Variants in NF1 observed in about 807,000 individuals in gnomAD.
NF1 encodes neurofibromin.
NF1 carries 122 observed loss-of-function variants against 325.7 expected under a neutral mutation model. The ratio of observed to expected loss-of-function variants is 0.37; its 90% CI spans 0.32 to 0.44. The LOEUF (loss-of-function observed/expected upper bound fraction) is 0.44. NF1 is among the 20% of genes least tolerant of loss of function. The probability of loss-of-function intolerance (pLI) is 1.00; values close to 1 mark genes in which losing one functional copy is unlikely to be tolerated. For synonymous variants in NF1, 1,091 were observed against 1,186.0 expected, an observed-to-expected ratio of 0.92 and a Z score of 1.65; for missense variants, 2,140 against 3,415.4, an observed-to-expected ratio of 0.63 and a Z score of 9.31.
At position 31,358,988 on chromosome 17, in the gene NF1, G is replaced by A. The variant is rs78610439; in HGVS notation, c.8133G>A (p.Leu2711=). The A allele has an allele frequency of 3.1e-6, 5 of 1,599,134 alleles. No homozygotes were observed. Among genetic ancestry groups the A allele is most frequent in the South Asian group, 2.2e-5 (2 of 89,792 alleles). The change falls in exon 56 of 58, where the codon TTG becomes TTA. Residue 2711 remains leucine, a synonymous_variant. Coordinates refer to ENST00000358273, the MANE Select transcript of NF1 (RefSeq NM_001042492.3). ...TTGCAGGTTTTGGTTTTAATGGCTT[G>A]TGGCGGTTTGCAGGACCGTTTTCAA... is the stretch of plus-strand genomic sequence containing the variant. ...SYLQSFGFNG[L]WRFAGPFSKQ...
chr17:31,100,022 A>G, intron 1 of NF1, among the ~76,000 whole-genome samples: 1 of 151,832 alleles, frequency 6.6e-6, no homozygotes, highest in Non-Finnish European at 1.5e-5. Flanking sequence ...AAAAAAAAAA[A>G]AAGAATTAAA....
In NF1 at chr17:31,175,210, A is replaced by G. The variant is rs143874901; in HGVS notation, c.586+5213A>G. ...TGATACAGCTTATATGATCTCAGTTATGTTAAATATATTTGTTTTCTACAT... is the reference window on the plus strand; with the variant it reads ...TGATACAGCTTATATGATCTCAGTTGTGTTAAATATATTTGTTTTCTACAT... On this transcript the variant is annotated intron_variant, in intron 5 of 57. Transcript: ENST00000358273. Among the ~76,000 whole-genome samples the G allele has an allele frequency of 2.7e-5, 4 of 150,462 alleles. No individual in the cohort carries two copies. The East Asian group carries it at 7.9e-4, about 30-fold the overall frequency.
intron 36 of NF1, among the ~76,000 whole-genome samples, chr17:31,287,577 T>TGTGTGTGA (rs530472361): frequency 3.3e-5 from 5 of 149,578 alleles, no homozygotes; most frequent in African/African-American, 1.2e-4. Context: ...TGTGTGTGTG[T>TGTGTGTGA]GACACAGGGT....
chr17:31,222,509 G>A (rs1415972972), intron 15 of NF1: 2 of 1,027,280 alleles, frequency 1.9e-6, no homozygotes, highest in Admixed American at 1.1e-4. Context: ...TTATAAGAAT[G>A]GGTGTGCTAA....
At chr17:31,223,894 T>TCATA in intron 16 of NF1, among the ~76,000 whole-genome samples, 1 of 152,198 alleles carries the variant, frequency 6.6e-6, no homozygotes, top group Non-Finnish European at 1.5e-5. Context: ...ACTCTTAAGT[T>TCATA]CATACATAAG....
intron 25 of NF1, 81 bp downstream of exon 25, chr17:31,232,270 C>G (rs1833511592): frequency 2.4e-6 from 2 of 844,302 alleles, no homozygotes; most frequent in African/African-American, 3.4e-5. Flanking sequence ...GAAATAATAC[C>G]CATGACAGGA....
At chr17:31,154,001 A>C (rs9907669) in intron 1 of NF1, among the ~76,000 whole-genome samples, 2,179 of 149,522 alleles carry the variant, frequency 0.015, 52 homozygotes, top group African/African-American at 0.049. Context: ...CTTCATTTTC[A>C]TGTAGATATT....
chr17:31,247,086 C>A (rs1463038760), intron 29 of NF1, among the ~76,000 whole-genome samples: 3 of 151,108 alleles, frequency 2.0e-5, no homozygotes, highest in Non-Finnish European at 4.4e-5. Context: ...GTCCCATCTA[C>A]TTGGGAGGCT....
At chr17:31,193,022 CA>C (rs1448721738) in intron 8 of NF1, among the ~76,000 whole-genome samples, 2 of 152,108 alleles carry the variant, frequency 1.3e-5, no homozygotes, top group Non-Finnish European at 2.9e-5. Flanking sequence ...TTCCCAGGGA[CA>C]GCCACTGCAA....
chr17:31,329,110 A>G (rs536657940), intron 38 of NF1, among the ~76,000 whole-genome samples: 3 of 152,198 alleles, frequency 2.0e-5, no homozygotes, highest in South Asian at 4.1e-4. Context: ...GCAGTGTGCT[A>G]TAATCATGTC....
intron 29 of NF1, among the ~76,000 whole-genome samples, chr17:31,241,050 G>T (rs530611663): frequency 1.3e-5 from 2 of 151,988 alleles, no homozygotes; most frequent in Non-Finnish European, 2.9e-5. Context: ...GCTGATTTTT[G>T]TATTTTTAGT....
In NF1 at chr17:31,349,240, C is replaced by T. The variant is rs2070078591; in HGVS notation, c.7310C>T (p.Ala2437Val). The change falls in exon 49 of 58, where the codon GCC becomes GTC. Residue 2437 changes from alanine to valine, a missense_variant. Transcript: ENST00000358273. ...DKFEVNTQSV[A>V]YLAALLTVSE... ...TTTGAAGTGAATACACAGAGCGTGGCCTACTTAGCAGGTAAAAACACAAAA... is the reference window on the plus strand; with the variant it reads ...TTTGAAGTGAATACACAGAGCGTGGTCTACTTAGCAGGTAAAAACACAAAA... 1 of 1,612,882 alleles carries T rather than the reference C, an allele frequency of 6.2e-7. No homozygotes were observed.
chr17:31,349,207 G>A lies in NF1; in HGVS notation c.7277G>A (p.Cys2426Tyr). The A allele has an allele frequency of 6.2e-7, 1 of 1,613,626 alleles. No individual in the cohort carries two copies. Among genetic ancestry groups the A allele is most frequent in the African/African-American group, 1.3e-5 (1 of 75,018 alleles). Residue 2426 changes from cysteine to tyrosine, a missense_variant, in exon 49 of 58, where the codon TGT becomes TAT. Physicochemically the swap from Cys to Tyr is radical, Grantham distance 194 (BLOSUM62 -2). Coordinates refer to ENST00000358273, the MANE Select transcript of NF1 (RefSeq NM_001042492.3). ...ACTCTGGTTAACAAACACAGAAATT[G>A]TGACAAATTTGAAGTGAATACACAG... ...LLTLVNKHRN[C>Y]DKFEVNTQSV...
chr17:31,221,191 T>C lies in NF1; in HGVS notation c.1642-659T>C, dbSNP rs112782539. 8.5e-3 allele frequency among the ~76,000 whole-genome samples: 1,294 copies of C among 152,064 alleles called. 26 individuals are homozygous for C. The highest frequency in any genetic ancestry group is 0.03 in the African/African-American group (1,235 of 41,530). On this transcript the variant is annotated intron_variant, in intron 14 of 57. Coordinates refer to ENST00000358273, the MANE Select transcript of NF1 (RefSeq NM_001042492.3). ...AAGAGTTTGTGTTTTTTTTATATCTTTGATGGTTTTAATTTATATAATAAT... is the reference window on the plus strand; with the variant it reads ...AAGAGTTTGTGTTTTTTTTATATCTCTGATGGTTTTAATTTATATAATAAT...
At position 31,282,609 on chromosome 17, in the gene NF1, T is replaced by C. The variant is rs571824136; in HGVS notation, c.4835+17270T>C. Among the ~76,000 whole-genome samples the C allele has an allele frequency of 8.5e-5, 13 of 152,288 alleles. No individual in the cohort carries two copies. The South Asian group carries it at 2.7e-3, about 32-fold the overall frequency. ...GTTTCATATAAGTGGAATCATACAATATGTGCTCTTTTGTGACTGCCTTCT... is the reference window on the plus strand; with the variant it reads ...GTTTCATATAAGTGGAATCATACAACATGTGCTCTTTTGTGACTGCCTTCT... On this transcript the variant is annotated intron_variant, in intron 36 of 57. Transcript: ENST00000358273.
chr17:31,233,403 T>A (rs1244426063), intron 27 of NF1, among the ~76,000 whole-genome samples, 190 bp downstream of exon 27: 3 of 152,244 alleles, frequency 2.0e-5, no homozygotes, highest in Non-Finnish European at 2.9e-5. Context: ...GTGTTCTGTA[T>A]CATTTCATCC....
chr17:31,136,816 T>C (rs1915822463), intron 1 of NF1: 1 of 152,154 alleles, frequency 6.6e-6, no homozygotes, highest in South Asian at 2.1e-4. Flanking sequence ...TATAGGCATG[T>C]ATGTGTAGGA....
Position 31,316,948 on chromosome 17 carries a change from A to G in NF1, c.4836-8872A>G, listed in dbSNP as rs1017479913. The stretch of plus-strand genomic sequence containing the variant: ...CTTGAGAGTTACGTAAAAATTACCA[A>G]TGCTTAGAGTTCACCCCATTCCAGT... On this transcript the variant is annotated intron_variant, in intron 36 of 57. Coordinates refer to ENST00000358273, the MANE Select transcript of NF1 (RefSeq NM_001042492.3). Among the ~76,000 whole-genome samples, 9 of 152,118 alleles carry G rather than the reference A, an allele frequency of 5.9e-5. No individual in the cohort carries two copies. In the East Asian group the frequency reaches 1.2e-3, roughly 20 times the overall value.
chr17:31,200,041 C>T (rs557631554), intron 8 of NF1, among the ~76,000 whole-genome samples: 31 of 151,340 alleles, frequency 2.0e-4, no homozygotes, highest in Middle Eastern at 3.4e-3. Context: ...GAGGCTGAGG[C>T]GGGAGAATCG....
Sources: allele counts gnomAD v4.1 joint callset (sites outside exome capture counted in the v4.1 genomes callset), GRCh38; gene constraint gnomAD v4.1.1; transcripts MANE v1.5; gene names NCBI Gene and HGNC (gene_info 2026-07-23, HGNC 2026-07-21).